HERC1: variants seen among roughly 807,000 people sequenced by gnomAD.
HERC1 encodes the protein HECT and RLD domain containing E3 ubiquitin protein ligase family member 1.
HERC1 carries 160 observed loss-of-function variants against 554.3 expected under a neutral mutation model. The observed-to-expected ratio is 0.29, with a 90% CI of 0.25 to 0.33. The LOEUF (loss-of-function observed/expected upper bound fraction) is 0.33, where lower values mean the gene tolerates loss of function less well. HERC1 is among the 10% of genes least tolerant of loss of function. The pLI is 1.00. For synonymous variants in HERC1, 2,175 were observed against 2,131.7 expected, an observed-to-expected ratio of 1.02 and a Z score of -0.56; for missense variants, 4,919 against 5,918.5, an observed-to-expected ratio of 0.83 and a Z score of 5.54.
chr15:63,616,766 T>G, intron 74 of HERC1, 84 bp from the exon 75 acceptor site: 1 of 1,210,014 alleles, frequency 8.3e-7, no homozygotes, highest in Non-Finnish European at 1.2e-6. Flanking sequence ...ATAGCGTTAG[T>G]CTATACCTGT....
intron 1 of HERC1, among the ~76,000 whole-genome samples, chr15:63,803,728 T>C (rs1004257693): frequency 2.6e-5 from 4 of 152,196 alleles, no homozygotes; most frequent in Admixed American, 1.3e-4. Context: ...ATGATCTCAA[T>C]TGGGTAACAA....
At chr15:63,777,987 A>C (rs2076163338) in intron 1 of HERC1, among the ~76,000 whole-genome samples, 1 of 152,192 alleles carries the variant, frequency 6.6e-6, no homozygotes, top group African/African-American at 2.4e-5. Context: ...TTTATTAAGT[A>C]ATCCAGGACT....
At chr15:63,675,395 G>C (rs2071145734) in intron 37 of HERC1, among the ~76,000 whole-genome samples, 1 of 152,092 alleles carries the variant, frequency 6.6e-6, no homozygotes, top group African/African-American at 2.4e-5. Flanking sequence ...TTCTGTAAGG[G>C]GCCAGACAGG....
At chr15:63,813,061 A>G (rs1369531252) in intron 1 of HERC1, among the ~76,000 whole-genome samples, 1 of 152,240 alleles carries the variant, frequency 6.6e-6, no homozygotes, top group Non-Finnish European at 1.5e-5. Context: ...CGATATTGAG[A>G]TACATAAATG....
chr15:63,820,709 G>C (rs2145714238), intron 1 of HERC1, among the ~76,000 whole-genome samples: 1 of 151,936 alleles, frequency 6.6e-6, no homozygotes, highest in East Asian at 1.9e-4. Context: ...TTTGAGACAA[G>C]GTCTTGCTAT....
At position 63,718,545 on chromosome 15, in the gene HERC1, CAT is replaced by C; in HGVS notation, c.3978+27_3978+28del. 6.6e-7 allele frequency: 1 copy of C among 1,526,120 alleles called. No homozygotes were observed. Among genetic ancestry groups the C allele is most frequent in the African/African-American group, 1.4e-5 (1 of 72,392 alleles). 94.5% of individuals were successfully genotyped at this position (1,526,120 alleles called of 1,614,324 possible). A position where few individuals can be genotyped will look rare whatever the true frequency, so the allele number is the denominator to read the frequency against. ...CTAGCTCTCACAGCTTGCAGAAAAACATAGAAATTAATTGATTTCAAACTTTA... is the reference window on the plus strand; with the variant it reads ...CTAGCTCTCACAGCTTGCAGAAAAACAGAAATTAATTGATTTCAAACTTTA... On this transcript the variant is annotated intron_variant, in intron 21 of 77. Transcript: ENST00000443617. The surrounding 1 kb of genome is among the most constrained non-coding windows in gnomAD (Gnocchi z 4.2).
chr15:63,621,825 C>A (rs959914525), intron 74 of HERC1, among the ~76,000 whole-genome samples: 1 of 152,068 alleles, frequency 6.6e-6, no homozygotes, highest in African/African-American at 2.4e-5. Flanking sequence ...TTTCGTGCCA[C>A]GGTTTTCAGC....
chr15:63,745,686 T>C (rs533899657), intron 12 of HERC1, among the ~76,000 whole-genome samples: 2 of 152,326 alleles, frequency 1.3e-5, no homozygotes, highest in East Asian at 3.9e-4. Context: ...AGTGCCTCTT[T>C]CAGTGATATG....
chr15:63,758,431 T>C lies in HERC1; in HGVS notation c.1027-62A>G. On this transcript the variant is annotated intron_variant, in intron 3 of 77. Transcript: ENST00000443617. This position sits in a 1 kb window ranked among gnomAD's most constrained non-coding sequence, Gnocchi z 4.0. ...ACAGTTTTAGTCTGGGCATTTTTTA[T>C]ACATATCCTCTGAAATTACTGTTGC... is the stretch of plus-strand genomic sequence containing the variant. 4 of 1,159,074 alleles carry C rather than the reference T, an allele frequency of 3.5e-6. No individual in the cohort carries two copies. Among genetic ancestry groups the C allele is most frequent in the Admixed American group, 2.2e-5 (1 of 44,700 alleles). 71.8% of individuals were successfully genotyped at this position (1,159,074 alleles called of 1,614,324 possible).
At chr15:63,723,039 A>G (rs2073888269) in intron 19 of HERC1, 143 bp downstream of exon 19, 1 of 504,696 alleles carries the variant, frequency 2.0e-6, no homozygotes, top group Non-Finnish European at 3.2e-6. Flanking sequence ...GGAAAAACAA[A>G]TTGTTTAAAA....
chr15:63,783,526 C>CA (rs151039144), intron 1 of HERC1, among the ~76,000 whole-genome samples: 4,698 of 152,024 alleles, frequency 0.031, 234 homozygotes, highest in African/African-American at 0.11. Context: ...ACTGAGAAAC[C>CA]AAAAAAACTG....
At chr15:63,812,769 A>G (rs971210603) in intron 1 of HERC1, among the ~76,000 whole-genome samples, 1 of 152,188 alleles carries the variant, frequency 6.6e-6, no homozygotes, top group Non-Finnish European at 1.5e-5. Context: ...GCTAAAAATT[A>G]TAAAGAAAAA....
At chr15:63,810,526 G>A (rs1044638155) in intron 1 of HERC1, among the ~76,000 whole-genome samples, 5 of 151,998 alleles carry the variant, frequency 3.3e-5, no homozygotes, top group African/African-American at 9.7e-5. Context: ...GGAAAAACTA[G>A]GAAAATGAAG....
intron 1 of HERC1, among the ~76,000 whole-genome samples, chr15:63,776,677 C>A (rs2076126477): frequency 6.6e-6 from 1 of 152,068 alleles, no homozygotes; most frequent in African/African-American, 2.4e-5. Context: ...TTTGTTAAAA[C>A]CTAGTGGGCT....
rs1416781009 is a variant in HERC1 at position 63,749,313 on chromosome 15, T to C, written c.2219+54A>G. On this transcript the variant is annotated intron_variant, in intron 10 of 77. Transcript: ENST00000443617. The surrounding 1 kb of genome is among the most constrained non-coding windows in gnomAD (Gnocchi z 4.1). ...CTGTTTTTATTAGTGTTTCTACTTT[T>C]TATTGGTGTTTATGTTAAAACACAC... 7.5e-7 allele frequency: 1 copy of C among 1,337,116 alleles called. No individual in the cohort carries two copies. Among genetic ancestry groups the C allele is most frequent in the Non-Finnish European group, 1.0e-6 (1 of 974,192 alleles). The allele number at this position is 1,337,116 out of a possible 1,614,324, so 82.8% of individuals were successfully genotyped here.
At chr15:63,741,024 TG>T (rs1179714433) in intron 12 of HERC1, among the ~76,000 whole-genome samples, 2 of 152,024 alleles carry the variant, frequency 1.3e-5, no homozygotes, top group East Asian at 1.9e-4. Context: ...ACATCTATGT[TG>T]TTTTTTTTTT....
At chr15:63,644,405 T>C (rs1307432753) in intron 57 of HERC1, among the ~76,000 whole-genome samples, 1 of 152,162 alleles carries the variant, frequency 6.6e-6, no homozygotes. Context: ...TTAGCATCTA[T>C]AGAAAAAATA....
chr15:63,693,614 A>G (rs1361770658), intron 30 of HERC1, among the ~76,000 whole-genome samples: 1 of 152,158 alleles, frequency 6.6e-6, no homozygotes, highest in Non-Finnish European at 1.5e-5. Context: ...ATGGCTTGTC[A>G]GGATCAAATG....
At position 63,656,281 on chromosome 15, in the gene HERC1, C is replaced by A; in HGVS notation, c.9677G>T (p.Cys3226Phe). 1.2e-6 allele frequency: 2 copies of A among 1,613,952 alleles called. No homozygotes were observed. Among genetic ancestry groups the A allele is most frequent in the East Asian group, 2.2e-5 (1 of 44,864 alleles). The change falls in exon 49 of 78, where the codon TGC becomes TTC. Residue 3226 changes from cysteine to phenylalanine, a missense_variant. By Grantham distance (205) the Cys-to-Phe change is radical. This residue lies in a region of HERC1 where 1,963 missense variants were observed against 2,228.6 expected (regional missense o/e 0.88). Transcript: ENST00000443617. ...GCCAGCTCTCCCTGCTGCTGCCAAGCACATTAATCGAACTAGCGTTCGGAT... is the reference window on the plus strand; with the variant it reads ...GCCAGCTCTCCCTGCTGCTGCCAAGAACATTAATCGAACTAGCGTTCGGAT... ...TDIRTLVRLMCLAAAGRAGLS... is the reference protein window; with the variant it reads ...TDIRTLVRLMFLAAAGRAGLS...
Sources: gnomAD v4.1 joint callset for allele counts (sites outside exome capture counted in the v4.1 genomes callset) on GRCh38, gnomAD v4.1.1 for gene constraint, gnomAD v4.1.1 regional missense constraint, Gnocchi (gnomAD v3.1) non-coding constraint, MANE v1.5 for transcripts, NCBI Gene and HGNC (gene_info 2026-07-23, HGNC 2026-07-21) for gene names.